The following SORL1 variants were observed in gnomAD, a reference collection of about 807,000 sequenced individuals.
SORL1 encodes the protein sortilin related receptor 1, also known as sortilin-related receptor.
A neutral mutation model predicts 273.7 loss-of-function variants in SORL1; 127 were observed. That is an observed-to-expected ratio of 0.46 (90% CI 0.40 to 0.54). The LOEUF (loss-of-function observed/expected upper bound fraction) is 0.54. SORL1 is among the 20% of genes least tolerant of loss of function. The probability of loss-of-function intolerance (pLI) is 0.00; values close to 1 mark genes in which losing one functional copy is unlikely to be tolerated. For synonymous variants in SORL1, 1,031 were observed against 1,067.4 expected (o/e 0.97, Z 0.66); for missense variants, 2,494 against 2,846.1 (o/e 0.88, Z 2.81).
intron 6 of SORL1, among the ~76,000 whole-genome samples, chr11:121,508,596 G>C (rs979295987): frequency 1.3e-5 from 2 of 152,188 alleles, no homozygotes; most frequent in African/African-American, 4.8e-5. Flanking sequence ...GGGAACTCCA[G>C]ACCTATTCTG....
intron 11 of SORL1, among the ~76,000 whole-genome samples, chr11:121,528,734 T>C (rs1356350257): frequency 6.6e-6 from 1 of 152,220 alleles, no homozygotes; most frequent in Non-Finnish European, 1.5e-5. Flanking sequence ...GAAGACACTT[T>C]GTATGATTTC....
chr11:121,550,141 C>CGA lies in SORL1; in HGVS notation c.2180+59_2180+60dup. 1 of 1,573,690 alleles carries CGA rather than the reference C, an allele frequency of 6.4e-7. No homozygotes were observed. Among genetic ancestry groups the CGA allele is most frequent in the Non-Finnish European group, 8.6e-7 (1 of 1,157,518 alleles). ...GGTTCTCAGCGGTCCGCACATGGAG[C>CGA]GAGAGAGCATAGAGGACCGTCTGGA... On this transcript the variant is annotated intron_variant, in intron 15 of 47. Transcript: ENST00000260197. The surrounding 1 kb of genome is among the most constrained non-coding windows in gnomAD (Gnocchi z 5.3).
intron 39 of SORL1, chr11:121,611,362 C>T: frequency 2.1e-6 from 1 of 472,960 alleles, no homozygotes; most frequent in South Asian, 3.2e-5. Flanking sequence ...TGTAATTATT[C>T]TGCCTCAGCC....
In SORL1 at chr11:121,595,429, C is replaced by T. The variant is rs1863277730; in HGVS notation, c.4370-194C>T. ...TTTGAAAACAATCTCTTGACTGTGGCTTTAGTGGGATCCTGTGGGGAAGCA... is the reference window on the plus strand; with the variant it reads ...TTTGAAAACAATCTCTTGACTGTGGTTTTAGTGGGATCCTGTGGGGAAGCA... On this transcript the variant is annotated intron_variant, in intron 31 of 47. Coordinates refer to ENST00000260197, the MANE Select transcript of SORL1 (RefSeq NM_003105.6). The surrounding 1 kb of genome is among the most constrained non-coding windows in gnomAD (Gnocchi z 5.1). 6.6e-6 allele frequency among the ~76,000 whole-genome samples: 1 copy of T among 152,140 alleles called. No individual in the cohort carries two copies. Among genetic ancestry groups the T allele is most frequent in the Admixed American group, 6.5e-5 (1 of 15,270 alleles).
At chr11:121,577,170 A>G in intron 24 of SORL1, 111 bp from the exon 25 acceptor site, 3 of 1,353,770 alleles carry the variant, frequency 2.2e-6, no homozygotes, top group Non-Finnish European at 3.1e-6. Flanking sequence ...GTCTCTGTGG[A>G]TCATTGGTGA....
At chr11:121,487,645 G>T (rs1273091618) in intron 3 of SORL1, among the ~76,000 whole-genome samples, 1 of 152,200 alleles carries the variant, frequency 6.6e-6, no homozygotes, top group African/African-American at 2.4e-5. Context: ...AATCTGAAAA[G>T]TAGGGCGTCT....
chr11:121,520,405 C>T (rs1862021951), intron 8 of SORL1, among the ~76,000 whole-genome samples: 1 of 152,098 alleles, frequency 6.6e-6, no homozygotes, highest in Non-Finnish European at 1.5e-5. Context: ...AATTCATAAA[C>T]ACATGGAGCA....
intron 38 of SORL1, chr11:121,608,407 A>G (rs778567417): frequency 1.1e-4 from 53 of 502,532 alleles, no homozygotes; most frequent in Non-Finnish European, 1.7e-4. Flanking sequence ...TCTAATGCAG[A>G]CATACAAAGG....
At chr11:121,571,215 C>G (rs890014266) in intron 23 of SORL1, among the ~76,000 whole-genome samples, 1 of 152,196 alleles carries the variant, frequency 6.6e-6, no homozygotes, top group African/African-American at 2.4e-5. Flanking sequence ...TAGCAAAGAG[C>G]TCTGGAGAGT....
At chr11:121,457,402 G>A (rs1039357737) in intron 1 of SORL1, among the ~76,000 whole-genome samples, 2 of 152,144 alleles carry the variant, frequency 1.3e-5, no homozygotes, top group African/African-American at 2.4e-5. Flanking sequence ...GGCATCCGTT[G>A]TTATCAATAT....
intron 3 of SORL1, among the ~76,000 whole-genome samples, chr11:121,486,625 C>G (rs1323501535): frequency 3.3e-5 from 5 of 151,610 alleles, no homozygotes; most frequent in East Asian, 1.9e-4. Flanking sequence ...GATTACAGGC[C>G]CCCACCACCA....
At chr11:121,606,233 G>A (rs1038417542) in intron 35 of SORL1, among the ~76,000 whole-genome samples, 3 of 152,180 alleles carry the variant, frequency 2.0e-5, no homozygotes, top group African/African-American at 7.2e-5. Flanking sequence ...TTGTGGCTAA[G>A]TTTTTAAGAA....
At chr11:121,503,765 C>A (rs1210410497) in intron 6 of SORL1, among the ~76,000 whole-genome samples, 1 of 152,228 alleles carries the variant, frequency 6.6e-6, no homozygotes, top group East Asian at 1.9e-4. Context: ...ATGCCAGCAT[C>A]ACACTGTCTT....
intron 40 of SORL1, 77 bp from the exon 41 acceptor site, chr11:121,614,794 A>G (rs112326666): frequency 8.5e-7 from 1 of 1,176,676 alleles, no homozygotes; most frequent in Non-Finnish European, 1.2e-6. Context: ...TTTTTTTAAA[A>G]AAGTGCATGT....
intron 8 of SORL1, among the ~76,000 whole-genome samples, chr11:121,519,271 A>G (rs1401250587): frequency 2.6e-5 from 4 of 152,076 alleles, no homozygotes; most frequent in African/African-American, 4.8e-5. Context: ...ACAGCCACCT[A>G]TGAACCCTGG....
In SORL1 at chr11:121,546,247, G is replaced by T. The variant is rs1862424899; in HGVS notation, c.2051+818G>T. 2.0e-5 allele frequency among the ~76,000 whole-genome samples: 3 copies of T among 152,190 alleles called. No homozygotes were observed. The South Asian group carries it at 6.2e-4, about 31-fold the overall frequency. ...TACAGTAGGGGAGAAAGACCTTAGA[G>T]GGGATGAACCTTATTCTATAATTAG... On this transcript the variant is annotated intron_variant, in intron 14 of 47. Coordinates refer to ENST00000260197, the MANE Select transcript of SORL1 (RefSeq NM_003105.6).
intron 37 of SORL1, 74 bp from the exon 38 acceptor site, chr11:121,608,030 A>G: frequency 1.5e-6 from 2 of 1,349,758 alleles, no homozygotes; most frequent in Middle Eastern, 1.8e-4. Flanking sequence ...CCTTTAGCTC[A>G]TTCAGTATTC....
chr11:121,611,284 C>G, intron 39 of SORL1, 126 bp downstream of exon 39: 4 of 635,418 alleles, frequency 6.3e-6, no homozygotes, highest in Non-Finnish European at 8.3e-6. Context: ...ACGGCTAGAT[C>G]TAGTGAAGCT....
chr11:121,536,770 C>T (rs1163819207), intron 12 of SORL1, among the ~76,000 whole-genome samples: 2 of 151,890 alleles, frequency 1.3e-5, no homozygotes, highest in Non-Finnish European at 2.9e-5. Context: ...TCTTTAACTT[C>T]CTTCAACAAG....
Sources: gnomAD v4.1 joint callset for allele counts (sites outside exome capture counted in the v4.1 genomes callset) on GRCh38, gnomAD v4.1.1 for gene constraint, Gnocchi (gnomAD v3.1) non-coding constraint, MANE v1.5 for transcripts, NCBI Gene and HGNC (gene_info 2026-07-23, HGNC 2026-07-21) for gene names.